MCF2L2: variants seen among roughly 807,000 people sequenced by gnomAD.
The protein encoded by MCF2L2 is probable guanine nucleotide exchange factor MCF2L2.
MCF2L2 carries 102 observed loss-of-function variants against 150.2 expected under a neutral mutation model. The ratio of observed to expected loss-of-function variants is 0.68; its 90% CI spans 0.58 to 0.80. The LOEUF is 0.80. MCF2L2 is among the 30% of genes least tolerant of loss of function. The pLI, the probability that MCF2L2 is intolerant of heterozygous loss-of-function variation, is 0.00. For synonymous variants in MCF2L2, 465 were observed against 491.3 expected, an observed-to-expected ratio of 0.95 and a Z score of 0.71; for missense variants, 1,256 against 1,372.8, an observed-to-expected ratio of 0.91 and a Z score of 1.34.
intron 16 of MCF2L2, among the ~76,000 whole-genome samples, chr3:183,230,399 C>A (rs1486415887): frequency 6.6e-6 from 1 of 152,184 alleles, no homozygotes; most frequent in African/African-American, 2.4e-5. Context: ...CAGGCGTGAG[C>A]CACTGCATCC....
At chr3:183,274,544 A>T (rs1475575134) in intron 15 of MCF2L2, among the ~76,000 whole-genome samples, 1 of 152,166 alleles carries the variant, frequency 6.6e-6, no homozygotes, top group African/African-American at 2.4e-5. Flanking sequence ...TATATTTAAA[A>T]CTTGTAAGCA....
intron 3 of MCF2L2, among the ~76,000 whole-genome samples, chr3:183,351,234 A>ATATATATATTTATT (rs1553786140): frequency 5.0e-5 from 3 of 60,450 alleles, no homozygotes; most frequent in African/African-American, 8.7e-5. Context: ...ATATATATAT[A>ATATATATATTTATT]TATTTATTTA....
At chr3:183,198,525 AGATG>A (rs1393216440) in intron 25 of MCF2L2, among the ~76,000 whole-genome samples, 4 of 152,206 alleles carry the variant, frequency 2.6e-5, no homozygotes, top group Admixed American at 1.3e-4. Flanking sequence ...GATGCCTTAC[AGATG>A]TATACAGATG....
chr3:183,362,255 C>T (rs531715127), intron 3 of MCF2L2, among the ~76,000 whole-genome samples: 1 of 152,220 alleles, frequency 6.6e-6, no homozygotes, highest in African/African-American at 2.4e-5. Context: ...CAGGTGCACA[C>T]CACCACACCC....
chr3:183,299,405 A>G (rs964369982), intron 11 of MCF2L2: 3 of 152,626 alleles, frequency 2.0e-5, no homozygotes, highest in African/African-American at 7.2e-5. Flanking sequence ...AATCTGCCAT[A>G]TAACAGCTCA....
intron 7 of MCF2L2, among the ~76,000 whole-genome samples, chr3:183,313,333 G>A (rs1472118743): frequency 6.6e-6 from 1 of 152,198 alleles, no homozygotes; most frequent in African/African-American, 2.4e-5. Flanking sequence ...ATAGCAGAAG[G>A]AGACACTGGA....
intron 15 of MCF2L2, among the ~76,000 whole-genome samples, chr3:183,275,640 GCT>G (rs1727120328): frequency 2.0e-5 from 3 of 151,870 alleles, no homozygotes; most frequent in South Asian, 4.1e-4. Flanking sequence ...ACAGGGTTTT[GCT>G]CTGTCACCCA....
At chr3:183,329,968 C>G (rs1179499732) in intron 5 of MCF2L2, among the ~76,000 whole-genome samples, 1 of 152,008 alleles carries the variant, frequency 6.6e-6, no homozygotes, top group Non-Finnish European at 1.5e-5. Flanking sequence ...GGGGCAGTGG[C>G]TCACATATGT....
intron 1 of MCF2L2, among the ~76,000 whole-genome samples, chr3:183,421,443 G>A (rs1715876993): frequency 6.6e-6 from 1 of 152,122 alleles, no homozygotes; most frequent in Non-Finnish European, 1.5e-5. Flanking sequence ...AGCTCCTCTA[G>A]TAAATTTTTA....
At chr3:183,404,039 T>C (rs1297545740) in intron 1 of MCF2L2, among the ~76,000 whole-genome samples, 1 of 152,086 alleles carries the variant, frequency 6.6e-6, no homozygotes, top group Non-Finnish European at 1.5e-5. Context: ...TTTTAAACCT[T>C]TTATGTTAAA....
Position 183,289,182 on chromosome 3 carries a change from A to G in MCF2L2, c.1714T>C (p.Tyr572His), listed in dbSNP as rs779252085. 3.1e-5 allele frequency: 50 copies of G among 1,613,882 alleles called. No homozygotes were observed. The Admixed American group carries it at 7.8e-4, about 25-fold the overall frequency. ...ARPLRTSEEPYTETELNSRGK... is the reference protein window; with the variant it reads ...ARPLRTSEEPHTETELNSRGK... ...CGGGAGTTCAACTCTGTCTCCGTAT[A>G]AGGTTCCTCAGACGTTCTCAGAGGA... is the stretch of plus-strand genomic sequence containing the variant. The change falls in exon 14 of 30, where the codon TAT (tyrosine) becomes CAT (histidine). Residue 572 changes from tyrosine (Y) to histidine (H), a missense_variant. Transcript: ENST00000328913.
chr3:183,344,429 C>T (rs1234555247), intron 3 of MCF2L2, among the ~76,000 whole-genome samples: 1 of 152,126 alleles, frequency 6.6e-6, no homozygotes, highest in Non-Finnish European at 1.5e-5. Flanking sequence ...TTGGAAATGG[C>T]CTATAACGCT....
At chr3:183,364,578 CA>C (rs1712416371) in intron 3 of MCF2L2, among the ~76,000 whole-genome samples, 1 of 151,610 alleles carries the variant, frequency 6.6e-6, no homozygotes, top group South Asian at 2.1e-4. Flanking sequence ...ATGGAAAAAC[CA>C]ATAGATCTAA....
In MCF2L2 at chr3:183,229,709, A is replaced by C. The variant is rs751613772; in HGVS notation, c.2002T>G (p.Phe668Val). The C allele has an allele frequency of 2.5e-6, 4 of 1,601,388 alleles. No homozygotes were observed. The South Asian group carries it at 4.4e-5, about 18-fold the overall frequency. The change falls in exon 17 of 30, where the codon TTT becomes GTT. Residue 668 changes from phenylalanine (F) to valine (V), a missense_variant. Transcript: ENST00000328913. ...IPDVLQNNKD[F>V]LFGNIRELYE... ...AGTTCTCTAATATTCCCAAAGAGAA[A>C]GTCCTTGTTATTCTGAAGAACATCT...
chr3:183,352,911 G>A (rs1410904711), intron 3 of MCF2L2, among the ~76,000 whole-genome samples: 1 of 152,052 alleles, frequency 6.6e-6, no homozygotes, highest in Non-Finnish European at 1.5e-5. Flanking sequence ...ATATTTGTAG[G>A]CAAAATCTAC....
rs893506158 is a variant in MCF2L2, at chr3:183,348,527, G to A, written c.276-6897C>T. On this transcript the variant is annotated intron_variant, in intron 3 of 29. Transcript: ENST00000328913. ...ACATGTATACCTATGGAACAAACCC[G>A]CTCATTCTGCACATGTATCCCAAAA... is the stretch of plus-strand genomic sequence containing the variant. Among the ~76,000 whole-genome samples, 6 of 152,064 alleles carry A rather than the reference G, an allele frequency of 3.9e-5. No individual in the cohort carries two copies. In the East Asian group the frequency reaches 7.7e-4, roughly 20 times the overall value.
At chr3:183,259,588 T>C (rs532059718) in intron 15 of MCF2L2, among the ~76,000 whole-genome samples, 1 of 152,292 alleles carries the variant, frequency 6.6e-6, no homozygotes, top group South Asian at 2.1e-4. Flanking sequence ...AATGGCAGCT[T>C]TTCCAGGCCA....
At position 183,179,498 on chromosome 3, in the gene MCF2L2, G is replaced by C; in HGVS notation, c.3227C>G (p.Thr1076Ser). Residue 1076 changes from threonine (T) to serine (S), a missense_variant, in exon 30 of 30, where the codon ACC (threonine) becomes AGC (serine). Physicochemically the swap from Thr to Ser is moderately conservative, Grantham distance 58 (BLOSUM62 1). Coordinates refer to ENST00000328913, the MANE Select transcript of MCF2L2 (RefSeq NM_015078.4). This position sits in a 1 kb window ranked among gnomAD's most constrained non-coding sequence, Gnocchi z 4.2. ...AGCGCGCTCCTCCTCGGTGCTGCGGGTCGCCCTGCAATTCCGAGAAGAAAG... is the reference window on the plus strand; with the variant it reads ...AGCGCGCTCCTCCTCGGTGCTGCGGCTCGCCCTGCAATTCCGAGAAGAAAG... ...KEERDEEETA[T>S]RSTEEERAGA... The C allele has an allele frequency of 1.9e-6, 3 of 1,609,526 alleles. No homozygotes were observed. The highest frequency in any genetic ancestry group is 2.5e-6 in the Non-Finnish European group (3 of 1,177,286).
At chr3:183,394,803 A>C (rs554255926) in intron 1 of MCF2L2, among the ~76,000 whole-genome samples, 1 of 152,200 alleles carries the variant, frequency 6.6e-6, no homozygotes, top group Non-Finnish European at 1.5e-5. Context: ...TCATCCATAA[A>C]ATAATTGAGA....
Sources: gnomAD v4.1 joint callset for allele counts (sites outside exome capture counted in the v4.1 genomes callset) on GRCh38, gnomAD v4.1.1 for gene constraint, Gnocchi (gnomAD v3.1) non-coding constraint, MANE v1.5 for transcripts, NCBI Gene and HGNC (gene_info 2026-07-23, HGNC 2026-07-21) for gene names.